The following CTTNBP2 variants were observed in gnomAD, a reference collection of about 807,000 sequenced individuals.
CTTNBP2 encodes cortactin binding protein 2, also known as cortactin-binding protein 2.
Under a neutral mutation model 156.9 loss-of-function variants are expected in CTTNBP2, and 108 were observed. The ratio of observed to expected loss-of-function variants is 0.69; its 90% CI spans 0.59 to 0.81. The LOEUF (loss-of-function observed/expected upper bound fraction) is 0.81. CTTNBP2 is among the 30% of genes least tolerant of loss of function. The pLI, the probability that CTTNBP2 is intolerant of heterozygous loss-of-function variation, is 0.00. For synonymous variants in CTTNBP2, 767 were observed against 751.8 expected (o/e 1.02, Z -0.33); for missense variants, 1,924 against 2,035.4 (o/e 0.95, Z 1.05).
At chr7:117,721,521 A>G (rs1794790575) in intron 19 of CTTNBP2, among the ~76,000 whole-genome samples, 1 of 152,242 alleles carries the variant, frequency 6.6e-6, no homozygotes, top group South Asian at 2.1e-4. Flanking sequence ...GATGGTAATC[A>G]CCCTTTCTCT....
In CTTNBP2 at chr7:117,711,620, T is replaced by TTGTATTACTGCTGCTGCTGCTTCTTTTGG; in HGVS notation, c.4880_4908dup (p.Arg1637ProfsTer13). ...GAGTTGTTGTTGATTTCTATTTGCC[T>TTGTATTACTGCTGCTGCTGCTTCTTTTGG]TGTATTACTGCTGCTGCTGCTTCTT... On this transcript the variant is annotated frameshift_variant, in exon 23 of 23. Coordinates refer to ENST00000160373, the MANE Select transcript of CTTNBP2 (RefSeq NM_033427.3). LOFTEE classifies it high-confidence loss of function. 1.2e-6 allele frequency: 2 copies of TTGTATTACTGCTGCTGCTGCTTCTTTTGG among 1,614,072 alleles called. No individual in the cohort carries two copies. The highest frequency in any genetic ancestry group is 2.2e-5 in the South Asian group (2 of 91,076).
chr7:117,817,333 CAAA>C (rs1165563266), intron 2 of CTTNBP2, among the ~76,000 whole-genome samples: 465 of 27,206 alleles, frequency 0.017, 50 homozygotes, highest in Middle Eastern at 0.067. Context: ...GACTCCATCT[CAAA>C]AAAAAAAAAA....
At chr7:117,859,321 C>A (rs757882445) in intron 2 of CTTNBP2, among the ~76,000 whole-genome samples, 1 of 152,158 alleles carries the variant, frequency 6.6e-6, no homozygotes, top group Non-Finnish European at 1.5e-5. Context: ...CAAGCCTTTA[C>A]GTCTACTCTC....
At chr7:117,811,793 T>C (rs1800293898) in intron 2 of CTTNBP2, among the ~76,000 whole-genome samples, 1 of 151,424 alleles carries the variant, frequency 6.6e-6, no homozygotes, top group South Asian at 2.1e-4. Context: ...AAGAAAATTC[T>C]TTGTGAAATT....
intron 12 of CTTNBP2, among the ~76,000 whole-genome samples, chr7:117,750,415 C>T (rs1290202635): frequency 6.6e-6 from 1 of 152,106 alleles, no homozygotes; most frequent in Non-Finnish European, 1.5e-5. Context: ...TCTAATGTCC[C>T]TCATGGGATA....
intron 1 of CTTNBP2, among the ~76,000 whole-genome samples, chr7:117,867,795 T>TTTGG (rs1804305434): frequency 6.6e-6 from 1 of 152,166 alleles, no homozygotes; most frequent in African/African-American, 2.4e-5. Flanking sequence ...ATGAGATCTA[T>TTTGG]TTGGTGTCAG....
At chr7:117,826,460 C>T (rs1230509714) in intron 2 of CTTNBP2, among the ~76,000 whole-genome samples, 1 of 152,070 alleles carries the variant, frequency 6.6e-6, no homozygotes, top group Admixed American at 6.5e-5. Flanking sequence ...ATACCATTAA[C>T]TTTATAAGTC....
intron 2 of CTTNBP2, among the ~76,000 whole-genome samples, chr7:117,859,425 G>A (rs1803556808): frequency 6.6e-6 from 1 of 152,182 alleles, no homozygotes; most frequent in African/African-American, 2.4e-5. Flanking sequence ...TTCACTAAAT[G>A]TTCAAACATT....
Position 117,737,384 on chromosome 7 carries a change from C to G in CTTNBP2, c.3536-1963G>C, listed in dbSNP as rs543473552. On this transcript the variant is annotated intron_variant, in intron 14 of 22. Coordinates refer to ENST00000160373, the MANE Select transcript of CTTNBP2 (RefSeq NM_033427.3). ...AGGACTGAAGGTCTCCAGCTTTTCC[C>G]TGATTTGTGTTAAGTGCATCGCCAG... 6.6e-5 allele frequency among the ~76,000 whole-genome samples: 10 copies of G among 152,250 alleles called. No homozygotes were observed. The East Asian group carries it at 1.9e-3, about 29-fold the overall frequency.
chr7:117,766,132 G>T lies in CTTNBP2; in HGVS notation c.2896+927C>A, dbSNP rs962584682. Among the ~76,000 whole-genome samples, 3 of 152,026 alleles carry T rather than the reference G, an allele frequency of 2.0e-5. No homozygotes were observed. The East Asian group carries it at 5.8e-4, about 29-fold the overall frequency. The stretch of plus-strand genomic sequence containing the variant: ...GCTCAACAGAAAGTGTTCCATGTTT[G>T]TTCTTAGGTTAGCATCAGCTTGTAA... On this transcript the variant is annotated intron_variant, in intron 9 of 22. Transcript: ENST00000160373.
chr7:117,775,949 AATCATGC>A (rs1243082654), intron 8 of CTTNBP2, among the ~76,000 whole-genome samples: 23 of 152,194 alleles, frequency 1.5e-4, no homozygotes, highest in African/African-American at 4.6e-4. Context: ...GACTGAATTG[AATCATGC>A]CCTTTTCTCA....
At chr7:117,790,632 A>G (rs1022195932) in intron 4 of CTTNBP2, among the ~76,000 whole-genome samples, 1 of 151,978 alleles carries the variant, frequency 6.6e-6, no homozygotes, top group African/African-American at 2.4e-5. Flanking sequence ...CCAAACTGAT[A>G]TTAGAACTTA....
At chr7:117,857,384 C>T (rs1172077389) in intron 2 of CTTNBP2, among the ~76,000 whole-genome samples, 3 of 152,086 alleles carry the variant, frequency 2.0e-5, no homozygotes, top group African/African-American at 7.2e-5. Flanking sequence ...ATATATATTG[C>T]AATCTCTTAA....
At chr7:117,734,879 C>G (rs370177088) in intron 16 of CTTNBP2, 34 bp downstream of exon 16, 2 of 1,531,234 alleles carry the variant, frequency 1.3e-6, no homozygotes, top group South Asian at 2.5e-5. Context: ...AACCCCTGCT[C>G]TCCTGGCAAC....
At chr7:117,774,127 A>G (rs1199216652) in intron 8 of CTTNBP2, among the ~76,000 whole-genome samples, 3 of 152,232 alleles carry the variant, frequency 2.0e-5, no homozygotes, top group East Asian at 3.9e-4. Flanking sequence ...ACAAAGGCTT[A>G]TCCTTAGTTC....
chr7:117,737,116 G>A (rs1254416368), intron 14 of CTTNBP2, among the ~76,000 whole-genome samples: 1 of 152,098 alleles, frequency 6.6e-6, no homozygotes, highest in Non-Finnish European at 1.5e-5. Flanking sequence ...TGTACTTGTG[G>A]AGGGCTGCTA....
At chr7:117,840,078 C>A (rs1043502589) in intron 2 of CTTNBP2, among the ~76,000 whole-genome samples, 3 of 152,130 alleles carry the variant, frequency 2.0e-5, no homozygotes, top group African/African-American at 4.8e-5. Context: ...CACACCTGTT[C>A]ATACAATCCA....
chr7:117,779,036 T>C (rs1798260407), intron 7 of CTTNBP2, among the ~76,000 whole-genome samples: 1 of 152,198 alleles, frequency 6.6e-6, no homozygotes. Flanking sequence ...TGGCTTTTTC[T>C]CTGGTTTGGT....
At chr7:117,786,096 T>C (rs1229276248) in intron 4 of CTTNBP2, among the ~76,000 whole-genome samples, 1 of 152,164 alleles carries the variant, frequency 6.6e-6, no homozygotes, top group Non-Finnish European at 1.5e-5. Context: ...ATTTTAAAAG[T>C]ACATATCAAA....
Sources: gnomAD v4.1 joint callset for allele counts (sites outside exome capture counted in the v4.1 genomes callset) on GRCh38, gnomAD v4.1.1 for gene constraint, MANE v1.5 for transcripts, NCBI Gene and HGNC (gene_info 2026-07-23, HGNC 2026-07-21) for gene names.